The following PTPRT variants were observed in gnomAD, a reference collection of about 807,000 sequenced individuals.
PTPRT encodes the protein protein tyrosine phosphatase receptor type T, also known as receptor-type tyrosine-protein phosphatase T.
Under a neutral mutation model 176.8 loss-of-function variants are expected in PTPRT, and 56 were observed. That is an observed-to-expected ratio of 0.32 (90% CI 0.26 to 0.40). The LOEUF (loss-of-function observed/expected upper bound fraction) is 0.40, where lower values mean the gene tolerates loss of function less well. Ranked by LOEUF, PTPRT falls within the 10% of genes least tolerant of loss-of-function variation. The pLI is 1.00. For synonymous variants in PTPRT, 783 were observed against 739.0 expected (o/e 1.06, Z -0.96); for missense variants, 1,540 against 1,908.2 (o/e 0.81, Z 3.60).
intron 6 of PTPRT, among the ~76,000 whole-genome samples, chr20:42,740,579 C>T (rs1312787310): frequency 6.6e-6 from 1 of 152,190 alleles, no homozygotes; most frequent in African/African-American, 2.4e-5. Context: ...GAGGCAATGG[C>T]AAAATCCATC....
At chr20:42,756,358 C>A in intron 6 of PTPRT, 104 bp downstream of exon 6, 1 of 1,219,642 alleles carries the variant, frequency 8.2e-7, no homozygotes, top group Non-Finnish European at 1.1e-6. Context: ...TTAATCTCCT[C>A]TTTTACTGAA....
chr20:42,781,251 C>T (rs753044379), intron 3 of PTPRT, among the ~76,000 whole-genome samples: 1 of 152,136 alleles, frequency 6.6e-6, no homozygotes, highest in Non-Finnish European at 1.5e-5. Flanking sequence ...CATTCCTTTG[C>T]ACCTTTATTT....
rs767966403 is a variant in PTPRT, at chr20:42,448,237, C to A, written c.1543G>T (p.Val515Phe). 4.3e-6 allele frequency: 7 copies of A among 1,610,558 alleles called. No individual in the cohort carries two copies. Among genetic ancestry groups the A allele is most frequent in the African/African-American group, 1.3e-5 (1 of 74,952 alleles). ...QWKPPNETNG[V>F]ITLYEINYKA... ...CTCCTTACCTCGTAGAGCGTGATGA[C>A]CCCATTGGTCTCATTGGGAGGTTTC... The change falls in exon 9 of 31, where the codon GTC becomes TTC. Residue 515 changes from valine to phenylalanine, a missense_variant. Transcript: ENST00000373187.
intron 2 of PTPRT, among the ~76,000 whole-genome samples, chr20:42,873,622 T>C (rs1157227741): frequency 6.6e-6 from 1 of 152,214 alleles, no homozygotes; most frequent in Non-Finnish European, 1.5e-5. Flanking sequence ...ATCTAAAATA[T>C]AATCATTTCA....
At chr20:42,784,319 G>T (rs1264069841) in intron 3 of PTPRT, among the ~76,000 whole-genome samples, 1 of 152,196 alleles carries the variant, frequency 6.6e-6, no homozygotes, top group Non-Finnish European at 1.5e-5. Flanking sequence ...CAGAAAATCT[G>T]CATGGCAAAA....
chr20:42,544,933 G>A (rs2072647780), intron 7 of PTPRT, among the ~76,000 whole-genome samples: 2 of 152,158 alleles, frequency 1.3e-5, no homozygotes, highest in South Asian at 4.1e-4. Flanking sequence ...GGCTACTGGT[G>A]TGAGCCACTG....
intron 13 of PTPRT, among the ~76,000 whole-genome samples, chr20:42,269,131 C>T (rs2056888037): frequency 1.3e-5 from 2 of 152,244 alleles, no homozygotes; most frequent in Admixed American, 1.3e-4. Flanking sequence ...CACATCCCCC[C>T]TTAGCTTTGT....
intron 4 of PTPRT, among the ~76,000 whole-genome samples, chr20:42,772,659 A>G (rs934769855): frequency 2.0e-5 from 3 of 152,194 alleles, no homozygotes; most frequent in Non-Finnish European, 4.4e-5. Flanking sequence ...TCTCTATGCC[A>G]TCAATCAAAT....
intron 1 of PTPRT, among the ~76,000 whole-genome samples, chr20:43,172,647 G>A (rs1042920109): frequency 2.6e-5 from 4 of 152,144 alleles, no homozygotes; most frequent in African/African-American, 9.7e-5. Context: ...AGTATTTATG[G>A]AGCACTTTCC....
chr20:43,179,349 C>G (rs901675200), intron 1 of PTPRT, among the ~76,000 whole-genome samples: 3 of 152,060 alleles, frequency 2.0e-5, no homozygotes, highest in Non-Finnish European at 2.9e-5. Flanking sequence ...TTTTATGGAG[C>G]CCATTTTTAA....
At chr20:42,083,663 AGGT>A (rs1983583953) in intron 29 of PTPRT, among the ~76,000 whole-genome samples, 1 of 152,176 alleles carries the variant, frequency 6.6e-6, no homozygotes, top group African/African-American at 2.4e-5. Flanking sequence ...CTCAATTCTG[AGGT>A]CAGTCAGATG....
intron 7 of PTPRT, among the ~76,000 whole-genome samples, chr20:42,621,728 T>G (rs190651601): frequency 9.2e-5 from 14 of 152,362 alleles, no homozygotes; most frequent in African/African-American, 3.4e-4. Flanking sequence ...CATCTAGTAC[T>G]ATGAATTAAA....
chr20:42,489,005 AGTTTGTGTGTGTGT>A (rs2071512196), intron 7 of PTPRT, among the ~76,000 whole-genome samples: 1 of 74,222 alleles, frequency 1.3e-5, no homozygotes, highest in African/African-American at 4.5e-5. Flanking sequence ...AAATCAACCA[AGTTTGTGTGTGTGT>A]GTGTGTGTGT....
chr20:42,981,509 T>C lies in PTPRT; in HGVS notation c.89-95577A>G, dbSNP rs534823695. On this transcript the variant is annotated intron_variant, in intron 1 of 30. Coordinates refer to ENST00000373187, the MANE Select transcript of PTPRT (RefSeq NM_007050.6). ...AGAGGCTTGAAGAAGTACTTGCGCATTGGGCTTGCCCTCTTGTTGCACTTG... is the reference window on the plus strand; with the variant it reads ...AGAGGCTTGAAGAAGTACTTGCGCACTGGGCTTGCCCTCTTGTTGCACTTG... Among the ~76,000 whole-genome samples, 481 of 152,324 alleles carry C rather than the reference T, an allele frequency of 3.2e-3. 4 individuals carry two copies. The highest frequency in any genetic ancestry group is 0.011 in the African/African-American group (455 of 41,570).
intron 7 of PTPRT, among the ~76,000 whole-genome samples, chr20:42,517,872 T>C (rs1022407341): frequency 5.3e-5 from 8 of 152,002 alleles, no homozygotes; most frequent in African/African-American, 1.9e-4. Context: ...TGAGGATTCA[T>C]TCCTAACAAA....
At chr20:42,893,397 T>A (rs2079229996) in intron 1 of PTPRT, among the ~76,000 whole-genome samples, 1 of 151,906 alleles carries the variant, frequency 6.6e-6, no homozygotes, top group Admixed American at 6.6e-5. Flanking sequence ...ATAGGAACAC[T>A]TTTACACTGT....
chr20:43,159,511 G>C (rs989791715), intron 1 of PTPRT, among the ~76,000 whole-genome samples: 4 of 152,188 alleles, frequency 2.6e-5, no homozygotes, highest in East Asian at 1.9e-4. Flanking sequence ...AATAATGTTT[G>C]TCAAAGCACC....
intron 9 of PTPRT, among the ~76,000 whole-genome samples, chr20:42,363,699 G>A (rs191186669): frequency 2.6e-5 from 4 of 152,156 alleles, no homozygotes; most frequent in South Asian, 2.1e-4. Context: ...CACATTACTC[G>A]TTTAATCATC....
chr20:43,048,230 G>T (rs888455377), intron 1 of PTPRT, among the ~76,000 whole-genome samples: 2 of 152,202 alleles, frequency 1.3e-5, no homozygotes, highest in Middle Eastern at 3.4e-3. Flanking sequence ...GAGAGGAAGG[G>T]GTCGCTCAGG....
Sources: gnomAD v4.1 joint callset for allele counts (sites outside exome capture counted in the v4.1 genomes callset) on GRCh38, gnomAD v4.1.1 for gene constraint, MANE v1.5 for transcripts, NCBI Gene and HGNC (gene_info 2026-07-23, HGNC 2026-07-21) for gene names.